The following PLAA variants were observed in gnomAD, a reference collection of about 807,000 sequenced individuals.
PLAA encodes phospholipase A-2-activating protein.
In PLAA, 48 loss-of-function variants were observed where a neutral mutation model predicts 84.1. The ratio of observed to expected loss-of-function variants is 0.57; its 90% CI spans 0.45 to 0.73. PLAA has a LOEUF of 0.73. Ranked by LOEUF, PLAA falls within the 30% of genes least tolerant of loss-of-function variation. The probability of loss-of-function intolerance (pLI) is 0.00; values close to 1 mark genes in which losing one functional copy is unlikely to be tolerated. For synonymous variants in PLAA, 392 were observed against 336.6 expected (o/e 1.16, Z -1.80); for missense variants, 903 against 954.7 (o/e 0.95, Z 0.71).
At chr9:26,937,034 G>C (rs1457001278) in intron 1 of PLAA, among the ~76,000 whole-genome samples, 1 of 152,004 alleles carries the variant, frequency 6.6e-6, no homozygotes. Flanking sequence ...CCAGCTACTT[G>C]GGAGGCCGAG....
intron 5 of PLAA, 116 bp downstream of exon 5, chr9:26,926,277 A>G: frequency 2.9e-6 from 2 of 680,772 alleles, no homozygotes; most frequent in Admixed American, 5.7e-5. Context: ...AATTTACTAA[A>G]TTATTCAAGT....
At chr9:26,927,127 C>CTTTTTTTTTTTTTTTTTTTTT (rs10672584) in intron 4 of PLAA, among the ~76,000 whole-genome samples, 1 of 136,784 alleles carries the variant, frequency 7.3e-6, no homozygotes, top group African/African-American at 2.8e-5. Flanking sequence ...TTTTGTTTTT[C>CTTTTTTTTTTTTTTTTTTTTT]TTTTTTTTTT....
intron 10 of PLAA, among the ~76,000 whole-genome samples, chr9:26,914,920 A>C (rs12002016): frequency 0.069 from 10,563 of 152,268 alleles, 510 homozygotes; most frequent in African/African-American, 0.14. Flanking sequence ...GGGAACTTTA[A>C]AAAATAAGAT....
chr9:26,937,977 A>G (rs1223926463), intron 1 of PLAA, among the ~76,000 whole-genome samples: 2 of 152,160 alleles, frequency 1.3e-5, no homozygotes, highest in Admixed American at 1.3e-4. Context: ...AGCAGAGAGA[A>G]TATCTGAAGA....
intron 1 of PLAA, among the ~76,000 whole-genome samples, chr9:26,935,422 T>C (rs1825328162): frequency 6.6e-6 from 1 of 152,196 alleles, no homozygotes; most frequent in African/African-American, 2.4e-5. Flanking sequence ...AGTGTTTCTT[T>C]GATAAGAATA....
chr9:26,928,219 C>A lies in PLAA; in HGVS notation c.446G>T (p.Gly149Val). ...TACCGCCCACACTGCAGCTGTATGA[C>A]CCTGTGAGTAAAATGAGTATCAATT... ...LNDKCMMTLQ[G>V]HTAAVWAVKI... Residue 149 changes from glycine to valine, a missense_variant and splice_region_variant, in exon 4 of 14, where the codon GGT (glycine) becomes GTT (valine). Coordinates refer to ENST00000397292, the MANE Select transcript of PLAA (RefSeq NM_001031689.3). 6.2e-7 allele frequency: 1 copy of A among 1,614,166 alleles called. No homozygotes were observed. The highest frequency in any genetic ancestry group is 8.5e-7 in the Non-Finnish European group (1 of 1,180,018).
intron 12 of PLAA, among the ~76,000 whole-genome samples, chr9:26,909,890 C>T (rs1824348031): frequency 6.6e-6 from 1 of 152,204 alleles, no homozygotes; most frequent in African/African-American, 2.4e-5. Context: ...TCCCAAAGTG[C>T]TGGGATTACA....
In PLAA at chr9:26,928,343, C is replaced by T; in HGVS notation, c.409G>A (p.Val137Ile). ...ATCATGCACTTGTCATTCAGCCAGA[C>T]TTTAGCAGTGGTGTCCCATGAACCA... is the stretch of plus-strand genomic sequence containing the variant. Reference protein sequence around the residue: ...LSGSWDTTAKVWLNDKCMMTL... With the variant: ...LSGSWDTTAKIWLNDKCMMTL... Residue 137 changes from valine to isoleucine, a missense_variant, in exon 3 of 14, where the codon GTC becomes ATC. Val to Ile is a conservative substitution (Grantham distance 29). Transcript: ENST00000397292. 6.2e-7 allele frequency: 1 copy of T among 1,614,174 alleles called. No homozygotes were observed. The highest frequency in any genetic ancestry group is 1.3e-5 in the African/African-American group (1 of 75,078).
intron 4 of PLAA, among the ~76,000 whole-genome samples, chr9:26,927,631 A>G (rs1825019399): frequency 1.3e-5 from 2 of 152,202 alleles, no homozygotes; most frequent in Non-Finnish European, 2.9e-5. Flanking sequence ...TTTAAAAAGA[A>G]TACTCACCAT....
At chr9:26,906,867 A>G (rs1824253894) in intron 13 of PLAA, among the ~76,000 whole-genome samples, 1 of 152,074 alleles carries the variant, frequency 6.6e-6, no homozygotes, top group Non-Finnish European at 1.5e-5. Flanking sequence ...AAGGTGAGGA[A>G]ATCCAACATT....
At chr9:26,924,531 TC>T (rs1253997198) in intron 6 of PLAA, among the ~76,000 whole-genome samples, 2 of 152,174 alleles carry the variant, frequency 1.3e-5, no homozygotes, top group East Asian at 1.9e-4. Flanking sequence ...TGCCTTTTTT[TC>T]TATCATTTTC....
intron 7 of PLAA, among the ~76,000 whole-genome samples, chr9:26,920,955 C>T (rs1221759519): frequency 1.3e-5 from 2 of 152,038 alleles, no homozygotes; most frequent in African/African-American, 4.8e-5. Context: ...CCAGCAACTT[C>T]AGGAATTTTT....
At chr9:26,944,266 C>T (rs1825623870) in intron 1 of PLAA, among the ~76,000 whole-genome samples, 2 of 152,156 alleles carry the variant, frequency 1.3e-5, no homozygotes, top group Non-Finnish European at 2.9e-5. Context: ...TAATGGACTT[C>T]CCAGCATCCA....
chr9:26,910,429 G>A lies in PLAA; in HGVS notation c.1566C>T (p.Ala522=). Residue 522 remains alanine, a synonymous_variant, in exon 12 of 14, where the codon GCC becomes GCT. Coordinates refer to ENST00000397292, the MANE Select transcript of PLAA (RefSeq NM_001031689.3). The part of the protein sequence containing the change: ...AGVDPFTGNS[A]YRSAASKTMN... Reference sequence around the variant, plus strand: ...TTGTTTTAGATGCAGCTGATCGGTAGGCACTATTCCCTATTTAAAGAATAG... The same window carrying A: ...TTGTTTTAGATGCAGCTGATCGGTAAGCACTATTCCCTATTTAAAGAATAG... 1 of 1,610,200 alleles carries A rather than the reference G, an allele frequency of 6.2e-7. No individual in the cohort carries two copies. Among genetic ancestry groups the A allele is most frequent in the South Asian group, 1.1e-5 (1 of 90,996 alleles).
At position 26,905,309 on chromosome 9, in the gene PLAA, A is replaced by G. The variant is rs1441679512; in HGVS notation, c.*202T>C. The G allele has an allele frequency of 5.6e-6, 3 of 539,092 alleles. No homozygotes were observed. Among genetic ancestry groups the G allele is most frequent in the Non-Finnish European group, 9.8e-6 (3 of 306,426 alleles). 33.4% of individuals were successfully genotyped at this position (539,092 alleles called of 1,614,324 possible). ...TAAATTTGTGTTCACACTCTTGAAA[A>G]TCTACCCAAATTACACAGGAAAATC... On this transcript the variant is annotated 3_prime_UTR_variant, in exon 14 of 14. Coordinates refer to ENST00000397292, the MANE Select transcript of PLAA (RefSeq NM_001031689.3).
At chr9:26,929,552 A>T (rs997394223) in intron 2 of PLAA, among the ~76,000 whole-genome samples, 1 of 152,202 alleles carries the variant, frequency 6.6e-6, no homozygotes, top group Non-Finnish European at 1.5e-5. Context: ...GCCATAAAGA[A>T]CCTTGGATTG....
In PLAA at chr9:26,904,694, A is replaced by T. The variant is rs2131359554; in HGVS notation, c.*817T>A. 1 of 152,328 alleles carries T rather than the reference A, an allele frequency of 6.6e-6. No homozygotes were observed. Among genetic ancestry groups the T allele is most frequent in the African/African-American group, 2.4e-5 (1 of 41,582 alleles). The allele number at this position is 152,328 out of a possible 1,614,324, so 9.4% of individuals were successfully genotyped here. ...CAGGTTCTAGACTTTCAAATAATAC[A>T]GTTTGATGTACTCTTGCTTATGTAA... On this transcript the variant is annotated 3_prime_UTR_variant, in exon 14 of 14. Coordinates refer to ENST00000397292, the MANE Select transcript of PLAA (RefSeq NM_001031689.3).
chr9:26,922,224 T>C (rs755325513), intron 7 of PLAA, among the ~76,000 whole-genome samples: 1 of 152,092 alleles, frequency 6.6e-6, no homozygotes, highest in Non-Finnish European at 1.5e-5. Flanking sequence ...CTGATAATTC[T>C]TAATATTAAT....
chr9:26,905,462 A>AG lies in PLAA; in HGVS notation c.*48dup. 2 of 1,300,402 alleles carry AG rather than the reference A, an allele frequency of 1.5e-6. No individual in the cohort carries two copies. The highest frequency in any genetic ancestry group is 1.9e-4 in the Middle Eastern group (1 of 5,234). The allele number at this position is 1,300,402 out of a possible 1,614,324, so 80.6% of individuals were successfully genotyped here. On this transcript the variant is annotated 3_prime_UTR_variant, in exon 14 of 14. Coordinates refer to ENST00000397292, the MANE Select transcript of PLAA (RefSeq NM_001031689.3). ...TCTGTTATCAGTCATGTCAAATGTG[A>AG]GGAAAAAAACACTAATCAATTAAAA...
Sources: gnomAD v4.1 joint callset for allele counts (sites outside exome capture counted in the v4.1 genomes callset) on GRCh38, gnomAD v4.1.1 for gene constraint, MANE v1.5 for transcripts, NCBI Gene and HGNC (gene_info 2026-07-23, HGNC 2026-07-21) for gene names.